The following TRPM4 variants were observed in gnomAD, a reference collection of about 807,000 sequenced individuals.
TRPM4 encodes calcium-activated non-selective cation channel 1.
TRPM4 carries 124 observed loss-of-function variants against 135.6 expected under a neutral mutation model. The ratio of observed to expected loss-of-function variants is 0.91; its 90% CI spans 0.79 to 1.06. TRPM4 has a LOEUF of 1.06. Ranked by LOEUF, TRPM4 falls within the 50% of genes least tolerant of loss-of-function variation. The pLI, the probability that TRPM4 is intolerant of heterozygous loss-of-function variation, is 0.00. For synonymous variants in TRPM4, 745 were observed against 705.6 expected (o/e 1.06, Z -0.88); for missense variants, 1,658 against 1,671.4 (o/e 0.99, Z 0.14).
rs140334587 is a variant in TRPM4 at position 49,205,743 on chromosome 19, C to T, written c.3131+3602C>T. ...TAGGGACGGGGTTTCACCATGTTGCCCAGGCCGATCTCAAACTCCTGACCT... is the reference window on the plus strand; with the variant it reads ...TAGGGACGGGGTTTCACCATGTTGCTCAGGCCGATCTCAAACTCCTGACCT... On this transcript the variant is annotated intron_variant, in intron 20 of 24. Transcript: ENST00000252826. Among the ~76,000 whole-genome samples, 569 of 151,816 alleles carry T rather than the reference C, an allele frequency of 3.7e-3. 4 individuals carry two copies. The highest frequency in any genetic ancestry group is 6.8e-3 in the Middle Eastern group (2 of 294).
chr19:49,163,413 C>T (rs1245671352), intron 2 of TRPM4, among the ~76,000 whole-genome samples: 1 of 151,852 alleles, frequency 6.6e-6, no homozygotes, highest in African/African-American at 2.4e-5. Context: ...CCAGGCTGGT[C>T]TCGAACTCCT....
At chr19:49,200,890 G>A in intron 19 of TRPM4, 105 bp downstream of exon 19, 1 of 1,289,490 alleles carries the variant, frequency 7.8e-7, no homozygotes, top group Admixed American at 2.0e-5. Context: ...CTGAGTCTCT[G>A]TCTCCCTCTT....
chr19:49,210,706 G>A lies in TRPM4; in HGVS notation c.3329-4G>A, dbSNP rs374808636. 8.1e-6 allele frequency: 13 copies of A among 1,614,148 alleles called. No individual in the cohort carries two copies. The highest frequency in any genetic ancestry group is 1.1e-5 in the South Asian group (1 of 91,046). ...GAGCCCTTTGACTCCGCCCGCCCCT[G>A]CAGGGGTTTACCTTTCTAAGGAAGC... On this transcript the variant is annotated splice_polypyrimidine_tract_variant and splice_region_variant and intron_variant, in intron 21 of 24. Coordinates refer to ENST00000252826, the MANE Select transcript of TRPM4 (RefSeq NM_017636.4). This position sits in a 1 kb window ranked among gnomAD's most constrained non-coding sequence, Gnocchi z 4.1.
chr19:49,192,425 G>A (rs56041179), intron 16 of TRPM4, among the ~76,000 whole-genome samples: 28,743 of 152,126 alleles, frequency 0.19, 3,440 homozygotes, highest in South Asian at 0.31. Context: ...TTACAGGCAT[G>A]AGCCACCATG....
chr19:49,173,613 C>T (rs190662192), intron 9 of TRPM4, among the ~76,000 whole-genome samples: 97 of 152,244 alleles, frequency 6.4e-4, no homozygotes, highest in African/African-American at 2.0e-3. Flanking sequence ...AAAACCAAGG[C>T]GGGGGAGCAT....
At chr19:49,201,799 C>T (rs1968942712) in intron 19 of TRPM4, among the ~76,000 whole-genome samples, 165 bp from the exon 20 acceptor site, 1 of 152,184 alleles carries the variant, frequency 6.6e-6, no homozygotes, top group South Asian at 2.1e-4. Context: ...GGGGTTTCAT[C>T]ACATTGGTCA....
chr19:49,211,189 G>T lies in TRPM4; in HGVS notation c.3560G>T (p.Gly1187Val). 2 of 1,604,132 alleles carry T rather than the reference G, an allele frequency of 1.2e-6. No individual in the cohort carries two copies. The highest frequency in any genetic ancestry group is 1.7e-6 in the Non-Finnish European group (2 of 1,176,040). Reference sequence around the variant, plus strand: ...GTCCAGCAGTGTAGCCGCGTCCTGGGGTGGGTGGCCGAGGCCCTGAGCCGC... The same window carrying T: ...GTCCAGCAGTGTAGCCGCGTCCTGGTGTGGGTGGCCGAGGCCCTGAGCCGC... ...REVQQCSRVL[G>V]WVAEALSRSA... The change falls in exon 24 of 25, where the codon GGG becomes GTG. Residue 1187 changes from glycine (G) to valine (V), a missense_variant. By Grantham distance (109) the Gly-to-Val change is moderately radical. Around this residue, in one of 3 missense-constraint regions of TRPM4, gnomAD observed 1,412 missense variants for 1,408.7 expected, o/e 1.00. Coordinates refer to ENST00000252826, the MANE Select transcript of TRPM4 (RefSeq NM_017636.4). The surrounding 1 kb of genome is among the most constrained non-coding windows in gnomAD (Gnocchi z 4.8).
rs567234047 is a variant in TRPM4, at chr19:49,206,159, C to T, written c.3131+4018C>T. On this transcript the variant is annotated intron_variant, in intron 20 of 24. Coordinates refer to ENST00000252826, the MANE Select transcript of TRPM4 (RefSeq NM_017636.4). ...TGTATTTTTGGTAGAGACAGGGTTT[C>T]ACCATGTTGGCCAGGCTAGTCTTGA... Among the ~76,000 whole-genome samples the T allele has an allele frequency of 7.2e-5, 11 of 151,874 alleles. No individual in the cohort carries two copies. The South Asian group carries it at 2.3e-3, about 32-fold the overall frequency.
chr19:49,201,196 C>T (rs925198928), intron 19 of TRPM4, among the ~76,000 whole-genome samples: 1 of 151,988 alleles, frequency 6.6e-6, no homozygotes, highest in Non-Finnish European at 1.5e-5. Context: ...TAACCTGACG[C>T]GTCTATTTTA....
intron 2 of TRPM4, chr19:49,158,743 A>C: frequency 3.2e-5 from 5 of 155,812 alleles, no homozygotes; most frequent in South Asian, 3.5e-4. Context: ...AAATCATTTC[A>C]CCTCTCTGGG....
intron 2 of TRPM4, among the ~76,000 whole-genome samples, chr19:49,160,217 A>T (rs992175421): frequency 1.3e-5 from 2 of 152,200 alleles, no homozygotes; most frequent in Admixed American, 6.5e-5. Context: ...GGGGCCGGGC[A>T]TTGTGGCTCA....
At chr19:49,206,100 A>G (rs953517308) in intron 20 of TRPM4, among the ~76,000 whole-genome samples, 4 of 152,004 alleles carry the variant, frequency 2.6e-5, no homozygotes, top group African/African-American at 9.7e-5. Context: ...AGCTGGGATT[A>G]CAGGCACCTG....
At chr19:49,175,030 A>G (rs1248434748) in intron 9 of TRPM4, among the ~76,000 whole-genome samples, 1 of 146,636 alleles carries the variant, frequency 6.8e-6, no homozygotes, top group Non-Finnish European at 1.5e-5. Context: ...CAGCCCCACA[A>G]GTAGCTGGGA....
At chr19:49,205,559 A>G (rs966416213) in intron 20 of TRPM4, among the ~76,000 whole-genome samples, 2 of 128,818 alleles carry the variant, frequency 1.6e-5, no homozygotes, top group Non-Finnish European at 3.2e-5. Flanking sequence ...TTTTGGAGAC[A>G]GAGTCTTGCT....
At chr19:49,164,076 G>A (rs1449329217) in intron 2 of TRPM4, among the ~76,000 whole-genome samples, 3 of 152,118 alleles carry the variant, frequency 2.0e-5, no homozygotes, top group Non-Finnish European at 4.4e-5. Context: ...TAGCACCTCT[G>A]CTATCCCTTC....
Position 49,182,914 on chromosome 19 carries a change from G to A in TRPM4, c.1600G>A (p.Gly534Arg). 1.3e-6 allele frequency: 2 copies of A among 1,593,108 alleles called. No homozygotes were observed. The highest frequency in any genetic ancestry group is 1.7e-6 in the Non-Finnish European group (2 of 1,170,154). The change falls in exon 11 of 25, where the codon GGG becomes AGG. Residue 534 changes from glycine to arginine, a missense_variant. Physicochemically the swap from Gly to Arg is moderately radical, Grantham distance 125. Transcript: ENST00000252826. ...AWDPHPGQGF[G>R]ESMYLLSDKA... is the part of the protein sequence containing the mutation. The stretch of plus-strand genomic sequence containing the variant: ...GGACCCTCACCCAGGCCAGGGCTTC[G>A]GGGAGAGCGTAAGGACCGGGCAAAG...
At chr19:49,177,400 T>C (rs1419333026) in intron 9 of TRPM4, among the ~76,000 whole-genome samples, 1 of 149,874 alleles carries the variant, frequency 6.7e-6, no homozygotes, top group African/African-American at 2.5e-5. Context: ...AGTGGTGTGA[T>C]CTCAGCTCAC....
chr19:49,197,713 C>T (rs1308108032), intron 17 of TRPM4, among the ~76,000 whole-genome samples: 1 of 150,876 alleles, frequency 6.6e-6, no homozygotes, highest in African/African-American at 2.4e-5. Context: ...GCCAGAGTTC[C>T]GCTGTGTCGC....
At chr19:49,165,286 C>A (rs144720537) in intron 2 of TRPM4, among the ~76,000 whole-genome samples, 1 of 152,288 alleles carries the variant, frequency 6.6e-6, no homozygotes, top group East Asian at 1.9e-4. Context: ...CTGTTGCCAG[C>A]TCCATTTTTT....
Sources: gnomAD v4.1 joint callset for allele counts (sites outside exome capture counted in the v4.1 genomes callset) on GRCh38, gnomAD v4.1.1 for gene constraint, gnomAD v4.1.1 regional missense constraint, Gnocchi (gnomAD v3.1) non-coding constraint, MANE v1.5 for transcripts, NCBI Gene and HGNC (gene_info 2026-07-23, HGNC 2026-07-21) for gene names.